SLC8A1: variants seen among roughly 807,000 people sequenced by gnomAD.
SLC8A1 encodes the protein solute carrier family 8 member A1.
A neutral mutation model predicts 68.3 loss-of-function variants in SLC8A1; 18 were observed. The observed-to-expected ratio is 0.26, with a 90% CI of 0.18 to 0.39. SLC8A1 has a LOEUF of 0.39. Among genes scored for constraint, SLC8A1 ranks in the 10% least tolerant of loss-of-function variants. The pLI is 1.00. For missense variants in SLC8A1, 985 were observed against 1,156.7 expected (o/e 0.85, Z 2.15); for synonymous variants, 475 against 415.5 (o/e 1.14, Z -1.74).
chr2:40,136,628 A>G (rs1313521028), intron 7 of SLC8A1, among the ~76,000 whole-genome samples: 1 of 152,134 alleles, frequency 6.6e-6, no homozygotes, highest in Non-Finnish European at 1.5e-5. Flanking sequence ...TGCTGACTAA[A>G]TAGTAGGCTA....
At chr2:40,177,959 C>T in intron 2 of SLC8A1, 1 of 767,922 alleles carries the variant, frequency 1.3e-6, no homozygotes, top group Non-Finnish European at 2.3e-6. Context: ...GGAGGGAGAA[C>T]TGGCAGCACA....
intron 2 of SLC8A1, among the ~76,000 whole-genome samples, chr2:40,277,794 GTA>G (rs56145701): frequency 0.16 from 16,990 of 107,268 alleles, 1,234 homozygotes; most frequent in Non-Finnish European, 0.22. Flanking sequence ...ATATATGTGT[GTA>G]TATATATATA....
intron 2 of SLC8A1, among the ~76,000 whole-genome samples, chr2:40,269,385 C>T (rs896078835): frequency 2.0e-5 from 3 of 151,920 alleles, no homozygotes; most frequent in Non-Finnish European, 2.9e-5. Flanking sequence ...CCTTCCACTT[C>T]GAAGAAAATG....
intron 2 of SLC8A1, among the ~76,000 whole-genome samples, chr2:40,348,711 G>C (rs555909816): frequency 6.6e-6 from 1 of 152,232 alleles, no homozygotes; most frequent in Non-Finnish European, 1.5e-5. Flanking sequence ...ACCAGAAAGA[G>C]TGAGGACATG....
chr2:40,146,658 C>T (rs1208032334), intron 6 of SLC8A1, among the ~76,000 whole-genome samples: 14 of 150,066 alleles, frequency 9.3e-5, no homozygotes, highest in Non-Finnish European at 3.0e-5. Flanking sequence ...GATCGTCAGG[C>T]ATTAGAGTCT....
intron 2 of SLC8A1, among the ~76,000 whole-genome samples, chr2:40,323,960 T>C (rs947976702): frequency 6.6e-6 from 1 of 151,768 alleles, no homozygotes; most frequent in African/African-American, 2.4e-5. Flanking sequence ...TTTCCGTGCA[T>C]ACTTAACTTA....
intron 2 of SLC8A1, among the ~76,000 whole-genome samples, chr2:40,301,384 A>G (rs13429313): frequency 6.6e-6 from 1 of 152,158 alleles, no homozygotes; most frequent in African/African-American, 2.4e-5. Context: ...ACTTATCCCA[A>G]CTGAATCTGA....
chr2:40,431,593 G>A (rs556320510), intron 1 of SLC8A1, among the ~76,000 whole-genome samples: 3 of 152,114 alleles, frequency 2.0e-5, no homozygotes, highest in Non-Finnish European at 4.4e-5. Context: ...GTAGAGGAAG[G>A]TCTGCTCCAA....
In SLC8A1 at chr2:40,505,515, TA is replaced by T. The variant is rs199751969; in HGVS notation, c.-25+6833del. Among the ~76,000 whole-genome samples the T allele has an allele frequency of 2.3e-4, 35 of 151,578 alleles. No individual in the cohort carries two copies. In the East Asian group the frequency reaches 6.4e-3, roughly 28 times the overall value. ...TAAAAATTACTAAAATAGAAAAAAA[TA>T]AAAAAGTCACATTGGTGGAAAATGC... On this transcript the variant is annotated intron_variant, in intron 1 of 7. Coordinates refer to the SLC8A1 transcript ENST00000402441.
intron 2 of SLC8A1, among the ~76,000 whole-genome samples, chr2:40,406,114 C>A (rs2149679085): frequency 6.6e-6 from 1 of 152,276 alleles, no homozygotes; most frequent in South Asian, 2.1e-4. Flanking sequence ...TTGTCAGTCA[C>A]CTTTATAAAA....
rs368451008 is a variant in SLC8A1 at position 40,242,814 on chromosome 2, G to A, written c.1809-64959C>T. On this transcript the variant is annotated intron_variant, in intron 2 of 7. Transcript: ENST00000406785. ...CTTTCTAGACTTGCTTAGAAAAAAA[G>A]AGACTAAATTTTTGTCTCTGGGCAA... Among the ~76,000 whole-genome samples the A allele has an allele frequency of 1.1e-3, 172 of 152,240 alleles. 1 individual carries two copies. The highest frequency in any genetic ancestry group is 3.8e-3 in the African/African-American group (160 of 41,562).
intron 2 of SLC8A1, among the ~76,000 whole-genome samples, chr2:40,314,028 C>T (rs2074102564): frequency 6.6e-6 from 1 of 151,848 alleles, no homozygotes; most frequent in Admixed American, 6.6e-5. Context: ...TAAATGTTAT[C>T]AATTTTTAAA....
At chr2:40,240,568 T>C (rs2061081662) in intron 2 of SLC8A1, among the ~76,000 whole-genome samples, 1 of 152,238 alleles carries the variant, frequency 6.6e-6, no homozygotes, top group Non-Finnish European at 1.5e-5. Context: ...ATTGTTCACA[T>C]GTTTGGACAT....
chr2:40,220,197 A>G (rs1039741674), intron 2 of SLC8A1: 2 of 152,042 alleles, frequency 1.3e-5, no homozygotes, highest in Non-Finnish European at 2.9e-5. Flanking sequence ...GACAAAGGAA[A>G]AGGAGAAAGA....
At chr2:40,279,148 G>T (rs1255815195) in intron 2 of SLC8A1, among the ~76,000 whole-genome samples, 1 of 152,288 alleles carries the variant, frequency 6.6e-6, no homozygotes, top group East Asian at 1.9e-4. Context: ...TACAGCTGTT[G>T]TCTCTTTGTG....
intron 7 of SLC8A1, among the ~76,000 whole-genome samples, chr2:40,135,882 A>G (rs2040411854): frequency 6.6e-6 from 1 of 152,234 alleles, no homozygotes; most frequent in Non-Finnish European, 1.5e-5. Context: ...ATTGGGCAGT[A>G]GAAATCAACA....
intron 2 of SLC8A1, among the ~76,000 whole-genome samples, chr2:40,188,593 G>A (rs13428681): frequency 0.12 from 17,616 of 152,126 alleles, 1,098 homozygotes; most frequent in Non-Finnish European, 0.13. Context: ...CCTATGTTAC[G>A]TTTCTTTTTT....
At chr2:40,154,733 C>G (rs1437882136) in intron 6 of SLC8A1, among the ~76,000 whole-genome samples, 1 of 152,090 alleles carries the variant, frequency 6.6e-6, no homozygotes, top group Non-Finnish European at 1.5e-5. Flanking sequence ...GGTGCAATCA[C>G]AGCTCACTGC....
At chr2:40,269,796 CTATTT>C (rs2065800038) in intron 2 of SLC8A1, among the ~76,000 whole-genome samples, 2 of 149,168 alleles carry the variant, frequency 1.3e-5, no homozygotes. Flanking sequence ...TTTTTTTTTT[CTATTT>C]TATTATTATT....
Sources: allele counts gnomAD v4.1 joint callset (sites outside exome capture counted in the v4.1 genomes callset), GRCh38; gene constraint gnomAD v4.1.1; transcripts MANE v1.5; gene names NCBI Gene and HGNC (gene_info 2026-07-23, HGNC 2026-07-21).